LRP12: variants seen among roughly 807,000 people sequenced by gnomAD.
The protein encoded by LRP12 is low-density lipoprotein receptor-related protein 12.
Under a neutral mutation model 66.0 loss-of-function variants are expected in LRP12, and 14 were observed. That is an observed-to-expected ratio of 0.21 (90% CI 0.14 to 0.33). LRP12 has a LOEUF of 0.33. Among genes scored for constraint, LRP12 ranks in the 10% least tolerant of loss-of-function variants. The pLI, the probability that LRP12 is intolerant of heterozygous loss-of-function variation, is 1.00. For synonymous variants in LRP12, 357 were observed against 359.1 expected, an observed-to-expected ratio of 0.99 and a Z score of 0.07; for missense variants, 889 against 1,053.4, an observed-to-expected ratio of 0.84 and a Z score of 2.16.
At chr8:104,520,493 G>GT (rs1305984259) in intron 2 of LRP12, among the ~76,000 whole-genome samples, 1 of 151,960 alleles carries the variant, frequency 6.6e-6, no homozygotes, top group Non-Finnish European at 1.5e-5. Flanking sequence ...GATTTTGTAG[G>GT]TCATCTCTAT....
chr8:104,542,994 A>AATATATATATAT (rs149279085), intron 1 of LRP12, among the ~76,000 whole-genome samples: 8 of 144,140 alleles, frequency 5.6e-5, no homozygotes, highest in Admixed American at 2.1e-4. Context: ...AACACACACA[A>AATATATATATAT]ATATATATAT....
chr8:104,540,083 T>G (rs1203321355), intron 1 of LRP12, among the ~76,000 whole-genome samples: 1 of 152,056 alleles, frequency 6.6e-6, no homozygotes, highest in Non-Finnish European at 1.5e-5. Context: ...ATTTTGGTCC[T>G]CTGCTAAATA....
In LRP12 at chr8:104,580,363, A is replaced by T. The variant is rs904797029; in HGVS notation, c.79+8456T>A. Among the ~76,000 whole-genome samples the T allele has an allele frequency of 4.6e-5, 7 of 150,870 alleles. 1 individual carries two copies. The highest frequency in any genetic ancestry group is 4.2e-4 in the South Asian group (2 of 4,788). On this transcript the variant is annotated intron_variant, in intron 1 of 6. Coordinates refer to ENST00000276654, the MANE Select transcript of LRP12 (RefSeq NM_013437.5). ...AACCCTGTCTCTACTAAAAATAAAAAAAAAAAAAAAAAAAAAATTAGCCGG... is the reference window on the plus strand; with the variant it reads ...AACCCTGTCTCTACTAAAAATAAAATAAAAAAAAAAAAAAAAATTAGCCGG...
intron 1 of LRP12, among the ~76,000 whole-genome samples, chr8:104,544,558 C>T (rs545116090): frequency 6.6e-6 from 1 of 152,224 alleles, no homozygotes; most frequent in African/African-American, 2.4e-5. Flanking sequence ...TAATGCAGCT[C>T]GTGACTTTAA....
At chr8:104,530,102 T>C (rs1377315121) in intron 2 of LRP12, among the ~76,000 whole-genome samples, 1 of 152,230 alleles carries the variant, frequency 6.6e-6, no homozygotes, top group Non-Finnish European at 1.5e-5. Flanking sequence ...CATAAAACCA[T>C]ACTACATATT....
At chr8:104,573,792 T>C (rs1476164546) in intron 1 of LRP12, among the ~76,000 whole-genome samples, 2 of 151,070 alleles carry the variant, frequency 1.3e-5, no homozygotes, top group Admixed American at 6.6e-5. Context: ...GATTAACAGA[T>C]ATGAAAATCA....
intron 3 of LRP12, chr8:104,506,278 G>A (rs1004446604): frequency 2.6e-5 from 4 of 152,016 alleles, no homozygotes; most frequent in African/African-American, 9.7e-5. Context: ...CTAGGTGGCC[G>A]TGGCATAAAG....
intron 2 of LRP12, among the ~76,000 whole-genome samples, chr8:104,529,133 A>G (rs936069433): frequency 5.9e-5 from 9 of 152,196 alleles, no homozygotes; most frequent in African/African-American, 2.2e-4. Context: ...TAAAGAGTTA[A>G]AGTTAAAATG....
intron 2 of LRP12, among the ~76,000 whole-genome samples, chr8:104,513,896 G>A (rs1588488184): frequency 6.6e-6 from 1 of 152,212 alleles, no homozygotes; most frequent in East Asian, 1.9e-4. Flanking sequence ...ATAGTCAAAT[G>A]CCCACTGGAC....
At chr8:104,553,344 G>C (rs182599122) in intron 1 of LRP12, among the ~76,000 whole-genome samples, 192 of 152,272 alleles carry the variant, frequency 1.3e-3, no homozygotes, top group Non-Finnish European at 1.9e-3. Flanking sequence ...TTGTAGACTG[G>C]GCCAAGTTCT....
chr8:104,526,457 T>C (rs1423495155), intron 2 of LRP12, among the ~76,000 whole-genome samples: 12 of 150,690 alleles, frequency 8.0e-5, no homozygotes, highest in South Asian at 2.1e-4. Context: ...GTAACCAAAA[T>C]AGCATGGTAC....
chr8:104,546,953 A>G (rs1201376833), intron 1 of LRP12, among the ~76,000 whole-genome samples: 2 of 143,218 alleles, frequency 1.4e-5, no homozygotes, highest in Non-Finnish European at 3.0e-5. Flanking sequence ...TATATAATAT[A>G]TAATTATATA....
At chr8:104,554,848 G>C (rs1304441164) in intron 1 of LRP12, among the ~76,000 whole-genome samples, 1 of 152,142 alleles carries the variant, frequency 6.6e-6, no homozygotes, top group Non-Finnish European at 1.5e-5. Context: ...TCAAGATGAA[G>C]GAAAGAATTC....
In LRP12 at chr8:104,550,283, T is replaced by G. The variant is rs546685050; in HGVS notation, c.80-18320A>C. On this transcript the variant is annotated intron_variant, in intron 1 of 6. Transcript: ENST00000276654. ...CTACCAGTATTTAAGCAAATTTGTC[T>G]AGCTCAAAGCCCATAATCTTGAAAT... 1.3e-4 allele frequency among the ~76,000 whole-genome samples: 20 copies of G among 152,308 alleles called. No individual in the cohort carries two copies. The South Asian group carries it at 1.7e-3, about 13-fold the overall frequency.
At position 104,497,775 on chromosome 8, in the gene LRP12, A is replaced by G. The variant is rs142533312; in HGVS notation, c.777T>C (p.Cys259=). The G allele has an allele frequency of 8.1e-6, 13 of 1,613,988 alleles. No homozygotes were observed. In the African/African-American group the frequency reaches 1.6e-4, roughly 20 times the overall value. Residue 259 remains cysteine (C), a synonymous_variant, in exon 5 of 7, where the codon TGT becomes TGC. Coordinates refer to ENST00000276654, the MANE Select transcript of LRP12 (RefSeq NM_013437.5). The surrounding 1 kb of genome is among the most constrained non-coding windows in gnomAD (Gnocchi z 4.3). ...GDEIDCDVPT[C]GQWLKYFYGT... ...CATAAAAATATTTTAGCCATTGCCC[A>G]CATGTTGGCACATCACAGTCTATCT...
intron 1 of LRP12, among the ~76,000 whole-genome samples, chr8:104,552,584 C>G (rs1296800532): frequency 6.6e-6 from 1 of 152,094 alleles, no homozygotes; most frequent in Admixed American, 6.5e-5. Context: ...TCATAGCTTA[C>G]CTACTCTTTC....
chr8:104,577,237 A>G (rs2140898213), intron 1 of LRP12, among the ~76,000 whole-genome samples: 1 of 152,336 alleles, frequency 6.6e-6, no homozygotes, highest in Admixed American at 6.5e-5. Flanking sequence ...CAGACCTGAC[A>G]GATATCTACA....
In LRP12 at chr8:104,588,938, GAGGGAGGAGA is replaced by G. The variant is rs772468688; in HGVS notation, c.-51_-42del. The G allele has an allele frequency of 1.4e-4, 214 of 1,491,032 alleles. No homozygotes were observed. The highest frequency in any genetic ancestry group is 1.1e-3 in the South Asian group (89 of 81,884). 92.4% of individuals were successfully genotyped at this position (1,491,032 alleles called of 1,614,324 possible). ...AGAGAGAGAGGAGGAGACGGAGGAG[GAGGGAGGAGA>G]AGCTGGAGGTAGACGACGCCGACGC... On this transcript the variant is annotated 5_prime_UTR_variant, in exon 1 of 7. Transcript: ENST00000276654.
intron 1 of LRP12, among the ~76,000 whole-genome samples, chr8:104,567,719 A>G (rs1812026744): frequency 6.6e-6 from 1 of 152,242 alleles, no homozygotes. Context: ...CACTTACAAT[A>G]GCATGAAAAG....
Sources: allele counts gnomAD v4.1 joint callset (sites outside exome capture counted in the v4.1 genomes callset), GRCh38; gene constraint gnomAD v4.1.1; non-coding constraint Gnocchi (gnomAD v3.1); transcripts MANE v1.5; gene names NCBI Gene and HGNC (gene_info 2026-07-23, HGNC 2026-07-21).